Variants in HMGCLL1 observed in about 807,000 individuals in gnomAD.
HMGCLL1 encodes 3-hydroxy-3-methylglutaryl-CoA lyase like 1.
HMGCLL1 carries 36 observed loss-of-function variants against 39.1 expected under a neutral mutation model. The observed-to-expected ratio is 0.92, with a 90% CI of 0.71 to 1.22. HMGCLL1 has a LOEUF of 1.22. Among genes scored for constraint, HMGCLL1 ranks in the 50% most tolerant of loss-of-function variants. HMGCLL1 has a pLI of 0.00. For synonymous variants in HMGCLL1, 149 were observed against 144.0 expected, an observed-to-expected ratio of 1.03 and a Z score of -0.25; for missense variants, 451 against 416.5, an observed-to-expected ratio of 1.08 and a Z score of -0.72.
intron 8 of HMGCLL1, 122 bp downstream of exon 8, chr6:55,439,312 T>G: frequency 1.0e-6 from 1 of 959,474 alleles, no homozygotes; most frequent in Non-Finnish European, 1.5e-6. Context: ...CACTGTGCAT[T>G]TTAGCAAATA....
chr6:55,647,488 C>T, the HMGCLL1 span, among the ~76,000 whole-genome samples: 4 of 151,392 alleles, frequency 2.6e-5, no homozygotes, highest in African/African-American at 7.3e-5. Flanking sequence ...TTCTCTCTTC[C>T]TTTTAGTGAA....
At chr6:55,583,949 CT>C (rs1456626618), upstream of HMGCLL1, among the ~76,000 whole-genome samples, 2 of 152,028 alleles carry the variant, frequency 1.3e-5, no homozygotes, top group African/African-American at 4.8e-5. Context: ...ACCAGGTGAC[CT>C]TTTTTTCATC....
At chr6:55,503,086 T>C (rs1287594186) in intron 5 of HMGCLL1, among the ~76,000 whole-genome samples, 2 of 151,776 alleles carry the variant, frequency 1.3e-5, no homozygotes, top group Admixed American at 6.6e-5. Context: ...TTAGTTTCTG[T>C]AGGAATTCTA....
chr6:55,471,642 G>A (rs1484853989), intron 7 of HMGCLL1, among the ~76,000 whole-genome samples: 2 of 151,496 alleles, frequency 1.3e-5, no homozygotes, highest in Non-Finnish European at 3.0e-5. Context: ...CCTTTTATGA[G>A]TAATACTGAT....
chr6:55,657,654 A>G, the HMGCLL1 span, among the ~76,000 whole-genome samples: 1 of 152,020 alleles, frequency 6.6e-6, no homozygotes, highest in African/African-American at 2.4e-5. Context: ...TATGGAATCA[A>G]CCTAAATGCC....
chr6:55,524,970 TAG>T (rs1768238586), intron 3 of HMGCLL1, among the ~76,000 whole-genome samples: 4 of 149,804 alleles, frequency 2.7e-5, no homozygotes, highest in Non-Finnish European at 4.5e-5. Context: ...TATTAATTAA[TAG>T]TAATAGTAAT....
chr6:55,616,104 T>C, the HMGCLL1 span, among the ~76,000 whole-genome samples: 1 of 152,126 alleles, frequency 6.6e-6, no homozygotes, highest in Admixed American at 6.6e-5. Context: ...AATAGCCATA[T>C]AGTCTTCTTC....
chr6:55,636,904 G>T, the HMGCLL1 span, among the ~76,000 whole-genome samples: 1 of 152,084 alleles, frequency 6.6e-6, no homozygotes, highest in Non-Finnish European at 1.5e-5. Flanking sequence ...ACGGTACAAA[G>T]GGCTTCCTGC....
the HMGCLL1 span, among the ~76,000 whole-genome samples, chr6:55,653,627 T>G: frequency 1.3e-5 from 2 of 151,908 alleles, no homozygotes; most frequent in African/African-American, 2.4e-5. Context: ...TAGAATTAAT[T>G]TTTGAGAATC....
intron 1 of HMGCLL1, among the ~76,000 whole-genome samples, chr6:55,568,851 T>G (rs891559757): frequency 7.3e-6 from 1 of 136,060 alleles, no homozygotes; most frequent in Admixed American, 7.5e-5. Flanking sequence ...GGAAGTAAAA[T>G]GAAACACACA....
chr6:55,647,163 T>G, the HMGCLL1 span, among the ~76,000 whole-genome samples: 1 of 152,048 alleles, frequency 6.6e-6, no homozygotes, highest in Non-Finnish European at 1.5e-5. Context: ...AATGACCTTC[T>G]CTTTTTTTAA....
At chr6:55,669,740 CAG>C in the HMGCLL1 span, among the ~76,000 whole-genome samples, 1 of 151,576 alleles carries the variant, frequency 6.6e-6, no homozygotes, top group Admixed American at 6.6e-5. Flanking sequence ...GATTAAAAAG[CAG>C]AATGAAAACG....
chr6:55,535,119 G>C (rs1768937190), intron 3 of HMGCLL1, among the ~76,000 whole-genome samples: 1 of 152,170 alleles, frequency 6.6e-6, no homozygotes, highest in South Asian at 2.1e-4. Context: ...ATGACCATTT[G>C]AGATCATTTA....
rs572734868 is a variant in HMGCLL1 at position 55,551,964 on chromosome 6, A to G, written c.109-9824T>C. 3.9e-5 allele frequency among the ~76,000 whole-genome samples: 6 copies of G among 152,118 alleles called. No homozygotes were observed. In the South Asian group the frequency reaches 1.2e-3, roughly 31 times the overall value. ...TATTGTCTGTCATAATATATTTCAA[A>G]GGGACCTGAAATAGCTGGACATTCT... On this transcript the variant is annotated intron_variant, in intron 1 of 8. Transcript: ENST00000274901.
At chr6:55,533,928 T>TCAGTA in intron 3 of HMGCLL1, among the ~76,000 whole-genome samples, 1 of 149,528 alleles carries the variant, frequency 6.7e-6, no homozygotes, top group Non-Finnish European at 1.5e-5. Flanking sequence ...TGAAAAGATG[T>TCAGTA]CAGTACAGAG....
chr6:55,669,563 G>A, the HMGCLL1 span, among the ~76,000 whole-genome samples: 1 of 151,590 alleles, frequency 6.6e-6, no homozygotes, highest in Non-Finnish European at 1.5e-5. Context: ...AGATGAAAAA[G>A]GCTTTAAAAT....
At chr6:55,603,273 G>A in the HMGCLL1 span, among the ~76,000 whole-genome samples, 23 of 152,028 alleles carry the variant, frequency 1.5e-4, no homozygotes, top group Admixed American at 5.9e-4. Context: ...ATAGCAGGTT[G>A]ACATACTATC....
chr6:55,638,763 C>T, the HMGCLL1 span, among the ~76,000 whole-genome samples: 5 of 151,948 alleles, frequency 3.3e-5, no homozygotes, highest in African/African-American at 1.2e-4. Flanking sequence ...ATGTTCCTAA[C>T]CTTGTTTTGT....
chr6:55,456,294 T>G (rs1764318319), intron 7 of HMGCLL1, among the ~76,000 whole-genome samples: 1 of 152,200 alleles, frequency 6.6e-6, no homozygotes, highest in African/African-American at 2.4e-5. Context: ...TATTTTATGC[T>G]TCTGTTTTAA....
Sources: allele counts gnomAD v4.1 joint callset (sites outside exome capture counted in the v4.1 genomes callset), GRCh38; gene constraint gnomAD v4.1.1; transcripts MANE v1.5; gene names NCBI Gene and HGNC (gene_info 2026-07-23, HGNC 2026-07-21).